Variants in LCE2D observed in about 807,000 individuals in gnomAD.
The protein encoded by LCE2D is late cornified envelope 2D.
For synonymous variants in LCE2D, 55 were observed against 51.3 expected (o/e 1.07, Z -0.31); for missense variants, 161 against 142.9 (o/e 1.13, Z -0.65).
intron 1 of LCE2D, among the ~76,000 whole-genome samples, chr1:152,663,640 G>T (rs1174612756): frequency 6.6e-6 from 1 of 152,214 alleles, no homozygotes; most frequent in African/African-American, 2.4e-5. Flanking sequence ...TCCCAACTCT[G>T]TCTTCAATGA....
rs767873604 is a variant in LCE2D, at chr1:152,664,312, T to A, written c.207T>A (p.Gly69=). 1.2e-6 allele frequency: 2 copies of A among 1,613,814 alleles called. No homozygotes were observed. The highest frequency in any genetic ancestry group is 2.7e-5 in the African/African-American group (2 of 74,866). The change falls in exon 2 of 2, where the codon GGT becomes GGA. Residue 69 remains glycine (G), a synonymous_variant. Transcript: ENST00000368784. ...SSGGCCSSGG[G]GCCLSHHRPR... ...GGGGCTGCTGCAGCTCTGGGGGTGG[T>A]GGCTGCTGCCTGAGCCACCACAGGC...
At position 152,664,462 on chromosome 1, in the gene LCE2D, T is replaced by C; in HGVS notation, c.*24T>C. ...GACCTGGGCTGCAGAAGAGCTCTGG[T>C]ACTGAATGGTCAAAAACCTGCTACA... On this transcript the variant is annotated 3_prime_UTR_variant, in exon 2 of 2. Coordinates refer to ENST00000368784, the MANE Select transcript of LCE2D (RefSeq NM_178430.4). 1 of 1,586,080 alleles carries C rather than the reference T, an allele frequency of 6.3e-7. No homozygotes were observed. Among genetic ancestry groups the C allele is most frequent in the Non-Finnish European group, 8.6e-7 (1 of 1,168,550 alleles).
Position 152,664,234 on chromosome 1 carries a change from A to G in LCE2D, c.129A>G (p.Ala43=). 1 of 1,614,142 alleles carries G rather than the reference A, an allele frequency of 6.2e-7. No homozygotes were observed. The highest frequency in any genetic ancestry group is 8.5e-7 in the Non-Finnish European group (1 of 1,180,016). ...PPQCPAPCSP[A]VSSCCGPSSG... ...AGTGCCCAGCTCCATGTTCCCCTGCAGTCTCTTCCTGCTGTGGTCCCAGCT... is the reference window on the plus strand; with the variant it reads ...AGTGCCCAGCTCCATGTTCCCCTGCGGTCTCTTCCTGCTGTGGTCCCAGCT... The change falls in exon 2 of 2, where the codon GCA becomes GCG. Residue 43 remains alanine, a synonymous_variant. Transcript: ENST00000368784.
Position 152,664,139 on chromosome 1 carries a change from C to T in LCE2D, c.34C>T (p.Pro12Ser). 1 of 1,614,162 alleles carries T rather than the reference C, an allele frequency of 6.2e-7. No individual in the cohort carries two copies. Among genetic ancestry groups the T allele is most frequent in the Non-Finnish European group, 8.5e-7 (1 of 1,180,002 alleles). Residue 12 changes from proline (P) to serine (S), a missense_variant, in exon 2 of 2, where the codon CCC (proline) becomes TCC (serine). Transcript: ENST00000368784. ...CCAGCAAAACCAGCAGCAGTGCCAGCCCCCTCCCAAATGTCCTCCCAAGTG... is the reference window on the plus strand; with the variant it reads ...CCAGCAAAACCAGCAGCAGTGCCAGTCCCCTCCCAAATGTCCTCCCAAGTG... ...SCQQNQQQCQ[P>S]PPKCPPKCTP...
chr1:152,664,102 C>T lies in LCE2D; in HGVS notation c.-4C>T, dbSNP rs1286079103. On this transcript the variant is annotated 5_prime_UTR_variant, in exon 2 of 2. Transcript: ENST00000368784. ...TCTTTTAGGTTGACTAAACTCCTGC[C>T]AGGATGTCTTGCCAGCAAAACCAGC... 2 of 1,613,782 alleles carry T rather than the reference C, an allele frequency of 1.2e-6. No individual in the cohort carries two copies. Among genetic ancestry groups the T allele is most frequent in the African/African-American group, 2.7e-5 (2 of 74,910 alleles).
In LCE2D at chr1:152,663,991, A is replaced by G. The variant is rs989703136; in HGVS notation, c.-21-94A>G. On this transcript the variant is annotated intron_variant, in intron 1 of 1. Transcript: ENST00000368784. The stretch of plus-strand genomic sequence containing the variant: ...ACTGATGTGACTGTATTACCTAAAT[A>G]TCATTCTTCTTCTACACATGCATTG... The G allele has an allele frequency of 1.2e-5, 17 of 1,383,220 alleles. No homozygotes were observed. The Admixed American group carries it at 1.8e-4, about 14-fold the overall frequency. The allele number at this position is 1,383,220 out of a possible 1,614,324, so 85.7% of individuals were successfully genotyped here. A position where few individuals can be genotyped will look rare whatever the true frequency, so the allele number is the denominator to read the frequency against.
Position 152,664,548 on chromosome 1 carries a change from A to G in LCE2D, c.*110A>G, listed in dbSNP as rs1267965803. The stretch of plus-strand genomic sequence containing the variant: ...CACTCATGGGTGGACAGGGACCACA[A>G]AGACTCATGGGGCTTCCCCAGAACT... On this transcript the variant is annotated 3_prime_UTR_variant, in exon 2 of 2. Transcript: ENST00000368784. 4.1e-6 allele frequency: 6 copies of G among 1,473,564 alleles called. No individual in the cohort carries two copies. Among genetic ancestry groups the G allele is most frequent in the Middle Eastern group, 2.4e-4 (1 of 4,236 alleles). The allele number at this position is 1,473,564 out of a possible 1,614,324, so 91.3% of individuals were successfully genotyped here.
intron 1 of LCE2D, among the ~76,000 whole-genome samples, chr1:152,663,666 C>G (rs1648465297): frequency 6.6e-6 from 1 of 152,182 alleles, no homozygotes; most frequent in East Asian, 1.9e-4. Context: ...TGTTGGCCAT[C>G]TTGGGCAGAT....
At position 152,664,560 on chromosome 1, in the gene LCE2D, G is replaced by C. The variant is rs1370200003; in HGVS notation, c.*122G>C. ...GACAGGGACCACAAAGACTCATGGG[G>C]CTTCCCCAGAACTTTGTGCTTGATG... On this transcript the variant is annotated 3_prime_UTR_variant, in exon 2 of 2. Transcript: ENST00000368784. 3 of 1,427,706 alleles carry C rather than the reference G, an allele frequency of 2.1e-6. No homozygotes were observed. The highest frequency in any genetic ancestry group is 2.5e-4 in the Middle Eastern group (1 of 3,974). 88.4% of individuals were successfully genotyped at this position (1,427,706 alleles called of 1,614,324 possible).
intron 1 of LCE2D, 106 bp from the exon 2 acceptor site, chr1:152,663,979 T>C: frequency 7.9e-7 from 1 of 1,268,770 alleles, no homozygotes. Context: ...GATGTGACTG[T>C]ATTACCTAAA....
rs1400865861 is a variant in LCE2D at position 152,664,382 on chromosome 1, G to A, written c.277G>A (p.Glu93Lys). The A allele has an allele frequency of 6.2e-7, 1 of 1,608,144 alleles. No homozygotes were observed. The highest frequency in any genetic ancestry group is 1.3e-5 in the African/African-American group (1 of 74,846). Reference protein sequence around the residue: ...RRRHQSPDCCESEPSGASGCC... With the variant: ...RRRHQSPDCCKSEPSGASGCC... Reference sequence around the variant, plus strand: ...CCGGCACCAGAGCCCCGATTGCTGTGAGAGTGAACCTTCTGGGGCCTCTGG... The same window carrying A: ...CCGGCACCAGAGCCCCGATTGCTGTAAGAGTGAACCTTCTGGGGCCTCTGG... Residue 93 changes from glutamate (E) to lysine (K), a missense_variant, in exon 2 of 2, where the codon GAG becomes AAG. Glu to Lys is a moderately conservative substitution (Grantham distance 56). Transcript: ENST00000368784.
Position 152,664,538 on chromosome 1 carries a change from A to T in LCE2D, c.*100A>T. ...CCTTTCATTCCACTCATGGGTGGACAGGGACCACAAAGACTCATGGGGCTT... is the reference window on the plus strand; with the variant it reads ...CCTTTCATTCCACTCATGGGTGGACTGGGACCACAAAGACTCATGGGGCTT... On this transcript the variant is annotated 3_prime_UTR_variant, in exon 2 of 2. Coordinates refer to ENST00000368784, the MANE Select transcript of LCE2D (RefSeq NM_178430.4). The T allele has an allele frequency of 6.7e-7, 1 of 1,485,168 alleles. No individual in the cohort carries two copies. Among genetic ancestry groups the T allele is most frequent in the Non-Finnish European group, 9.0e-7 (1 of 1,109,314 alleles). 92.0% of individuals were successfully genotyped at this position (1,485,168 alleles called of 1,614,324 possible).
chr1:152,664,416 A>C lies in LCE2D; in HGVS notation c.311A>C (p.His104Pro). ...SEPSGASGCCHSSGGCC is the reference protein window; with the variant it reads ...SEPSGASGCCPSSGGCC ...CCTTCTGGGGCCTCTGGCTGCTGCCACAGCTCTGGGGGCTGCTGCTGACCT... is the reference window on the plus strand; with the variant it reads ...CCTTCTGGGGCCTCTGGCTGCTGCCCCAGCTCTGGGGGCTGCTGCTGACCT... The change falls in exon 2 of 2, where the codon CAC becomes CCC. Residue 104 changes from histidine (H) to proline (P), a missense_variant. Transcript: ENST00000368784. The C allele has an allele frequency of 6.2e-7, 1 of 1,612,988 alleles. No individual in the cohort carries two copies.
At chr1:152,663,529 C>T (rs1007965558) in intron 1 of LCE2D, 100 bp downstream of exon 1, 1 of 154,664 alleles carries the variant, frequency 6.5e-6, no homozygotes, top group African/African-American at 2.4e-5. Context: ...TTGTGTTCTC[C>T]CATACTGAGC....
In LCE2D at chr1:152,664,532, G is replaced by C; in HGVS notation, c.*94G>C. ...CCCCTTCCTTTCATTCCACTCATGG[G>C]TGGACAGGGACCACAAAGACTCATG... is the stretch of plus-strand genomic sequence containing the variant. On this transcript the variant is annotated 3_prime_UTR_variant, in exon 2 of 2. Coordinates refer to ENST00000368784, the MANE Select transcript of LCE2D (RefSeq NM_178430.4). The C allele has an allele frequency of 6.6e-7, 1 of 1,509,116 alleles. No homozygotes were observed. Among genetic ancestry groups the C allele is most frequent in the South Asian group, 1.3e-5 (1 of 74,556 alleles). The allele number at this position is 1,509,116 out of a possible 1,614,324, so 93.5% of individuals were successfully genotyped here.
At chr1:152,663,990 T>C in intron 1 of LCE2D, 95 bp from the exon 2 acceptor site, 3 of 1,381,978 alleles carry the variant, frequency 2.2e-6, no homozygotes, top group East Asian at 2.3e-5. Flanking sequence ...ATTACCTAAA[T>C]ATCATTCTTC....
At position 152,664,486 on chromosome 1, in the gene LCE2D, C is replaced by G; in HGVS notation, c.*48C>G. 2 of 1,549,774 alleles carry G rather than the reference C, an allele frequency of 1.3e-6. No homozygotes were observed. Among genetic ancestry groups the G allele is most frequent in the Non-Finnish European group, 1.7e-6 (2 of 1,151,544 alleles). On this transcript the variant is annotated 3_prime_UTR_variant, in exon 2 of 2. Transcript: ENST00000368784. ...GTACTGAATGGTCAAAAACCTGCTACAGCCTGATGCTTAACTATTTCCCCT... is the reference window on the plus strand; with the variant it reads ...GTACTGAATGGTCAAAAACCTGCTAGAGCCTGATGCTTAACTATTTCCCCT...
Position 152,664,479 on chromosome 1 carries a change from C to G in LCE2D, c.*41C>G, listed in dbSNP as rs761807329. The stretch of plus-strand genomic sequence containing the variant: ...AGCTCTGGTACTGAATGGTCAAAAA[C>G]CTGCTACAGCCTGATGCTTAACTAT... On this transcript the variant is annotated 3_prime_UTR_variant, in exon 2 of 2. Transcript: ENST00000368784. 6.4e-7 allele frequency: 1 copy of G among 1,558,674 alleles called. No homozygotes were observed. The highest frequency in any genetic ancestry group is 8.7e-7 in the Non-Finnish European group (1 of 1,155,762).
rs1319135627 is a variant in LCE2D, at chr1:152,664,179, C to T, written c.74C>T (p.Pro25Leu). 2 of 1,614,080 alleles carry T rather than the reference C, an allele frequency of 1.2e-6. No individual in the cohort carries two copies. Among genetic ancestry groups the T allele is most frequent in the Non-Finnish European group, 1.7e-6 (2 of 1,180,046 alleles). ...KCPPKCTPKC[P>L]PKCPPKCPPQ... Reference sequence around the variant, plus strand: ...CCTCCCAAGTGTACCCCAAAATGTCCACCTAAGTGTCCCCCCAAATGCCCA... The same window carrying T: ...CCTCCCAAGTGTACCCCAAAATGTCTACCTAAGTGTCCCCCCAAATGCCCA... The change falls in exon 2 of 2, where the codon CCA becomes CTA. Residue 25 changes from proline (P) to leucine (L), a missense_variant. Transcript: ENST00000368784.
Sources: allele counts gnomAD v4.1 joint callset (sites outside exome capture counted in the v4.1 genomes callset), GRCh38; gene constraint gnomAD v4.1.1; transcripts MANE v1.5; gene names NCBI Gene and HGNC (gene_info 2026-07-23, HGNC 2026-07-21).